SULT1C2: variants seen among roughly 807,000 people sequenced by gnomAD.
The protein encoded by SULT1C2 is sulfotransferase family 1C member 2, also known as sulfotransferase 1C2.
In SULT1C2, 27 loss-of-function variants were observed where a neutral mutation model predicts 36.0. The observed-to-expected ratio is 0.75, with a 90% CI of 0.55 to 1.03. The LOEUF (loss-of-function observed/expected upper bound fraction) is 1.03. Among genes scored for constraint, SULT1C2 ranks in the 50% least tolerant of loss-of-function variants. The pLI, the probability that SULT1C2 is intolerant of heterozygous loss-of-function variation, is 0.00. For missense variants in SULT1C2, 395 were observed against 359.2 expected (o/e 1.10, Z -0.80); for synonymous variants, 121 against 116.0 (o/e 1.04, Z -0.27).
chr2:108,296,649 T>A (rs928603757), intron 3 of SULT1C2, among the ~76,000 whole-genome samples: 2 of 152,138 alleles, frequency 1.3e-5, no homozygotes, highest in Non-Finnish European at 2.9e-5. Context: ...GTCAGGGTTT[T>A]ACCATGTTGG....
chr2:108,294,379 C>A, intron 3 of SULT1C2, 25 bp downstream of exon 3: 1 of 1,598,982 alleles, frequency 6.3e-7, no homozygotes, highest in South Asian at 1.1e-5. Flanking sequence ...CTCTTTCTCT[C>A]TTCCTGCTTT....
intron 3 of SULT1C2, among the ~76,000 whole-genome samples, chr2:108,295,063 T>C (rs1222197013): frequency 6.6e-6 from 1 of 152,176 alleles, no homozygotes; most frequent in African/African-American, 2.4e-5. Flanking sequence ...AAAATGTAGT[T>C]AATGCAGCTC....
chr2:108,308,303 C>T (rs1437416949), intron 7 of SULT1C2, 49 bp from the exon 8 acceptor site: 2 of 1,540,602 alleles, frequency 1.3e-6, no homozygotes, highest in East Asian at 2.2e-5. Flanking sequence ...TCAGGGACAC[C>T]ACATCTTTCA....
At chr2:108,304,831 G>C in intron 5 of SULT1C2, 131 bp downstream of exon 5, 1 of 1,273,266 alleles carries the variant, frequency 7.9e-7, no homozygotes, top group Non-Finnish European at 1.1e-6. Flanking sequence ...CTGGGACTGG[G>C]CAGAGCAAGC....
intron 1 of SULT1C2, among the ~76,000 whole-genome samples, chr2:108,293,006 C>T (rs562644583): frequency 5.3e-5 from 8 of 152,136 alleles, no homozygotes; most frequent in East Asian, 1.9e-4. Context: ...TGGCGAAACT[C>T]GGTCCCTACT....
chr2:108,302,784 A>C (rs1262934734), intron 4 of SULT1C2: 1 of 152,236 alleles, frequency 6.6e-6, no homozygotes, highest in Non-Finnish European at 1.5e-5. Flanking sequence ...ATATTAAGTA[A>C]ATAAATGGAA....
At chr2:108,303,662 T>G (rs1423705377) in intron 4 of SULT1C2, 1 of 152,232 alleles carries the variant, frequency 6.6e-6, no homozygotes, top group Non-Finnish European at 1.5e-5. Flanking sequence ...ATAAAAGACA[T>G]AATTAATACA....
intron 1 of SULT1C2, among the ~76,000 whole-genome samples, chr2:108,292,234 T>G (rs75325571): frequency 0.012 from 1,872 of 152,336 alleles, 15 homozygotes; most frequent in Middle Eastern, 0.041. Flanking sequence ...ATTGACGTGT[T>G]CGATAAATGT....
At chr2:108,299,591 G>A (rs1005562668) in intron 3 of SULT1C2, 1 of 152,210 alleles carries the variant, frequency 6.6e-6, no homozygotes, top group African/African-American at 2.4e-5. Context: ...AGGCAGGAGA[G>A]CTTTGCAGTT....
intron 4 of SULT1C2, chr2:108,302,860 C>T (rs961924513): frequency 2.0e-5 from 3 of 152,028 alleles, no homozygotes; most frequent in African/African-American, 7.2e-5. Flanking sequence ...AAGTGCAGAA[C>T]AGCTGCATAG....
chr2:108,296,331 C>A (rs1408384624), intron 3 of SULT1C2, among the ~76,000 whole-genome samples: 1 of 152,196 alleles, frequency 6.6e-6, no homozygotes, highest in African/African-American at 2.4e-5. Context: ...TACAGAGGCA[C>A]CCTGGCCTCT....
At chr2:108,300,784 G>A in intron 3 of SULT1C2, 54 bp from the exon 4 acceptor site, 2 of 1,609,804 alleles carry the variant, frequency 1.2e-6, no homozygotes, top group African/African-American at 1.3e-5. Flanking sequence ...GGATCATGAG[G>A]TCCCCATGTA....
chr2:108,305,026 A>C (rs1487154903), intron 5 of SULT1C2, 146 bp from the exon 6 acceptor site: 3 of 939,218 alleles, frequency 3.2e-6, no homozygotes, highest in Non-Finnish European at 4.8e-6. Flanking sequence ...CACCACCCTC[A>C]AAATCAAACA....
At chr2:108,295,661 A>G (rs1323085970) in intron 3 of SULT1C2, among the ~76,000 whole-genome samples, 1 of 152,240 alleles carries the variant, frequency 6.6e-6, no homozygotes, top group Admixed American at 6.5e-5. Context: ...TGTGAGCATT[A>G]ACAAATTCAG....
chr2:108,304,387 A>C, intron 4 of SULT1C2, 187 bp from the exon 5 acceptor site: 2 of 526,470 alleles, frequency 3.8e-6, no homozygotes, highest in Non-Finnish European at 6.5e-6. Flanking sequence ...AGTTTGAAGT[A>C]GAGAGCAGAC....
chr2:108,296,609 G>A (rs973608156), intron 3 of SULT1C2, among the ~76,000 whole-genome samples: 2 of 152,142 alleles, frequency 1.3e-5, no homozygotes, highest in Middle Eastern at 3.2e-3. Flanking sequence ...CTGCCAGCAC[G>A]CCCAGCAAAT....
chr2:108,305,785 G>A (rs1166497633), intron 7 of SULT1C2, 190 bp downstream of exon 7: 1 of 718,944 alleles, frequency 1.4e-6, no homozygotes, highest in Non-Finnish European at 2.2e-6. Flanking sequence ...TCCAGTATTT[G>A]GTTGCAAGGA....
At chr2:108,293,873 C>G (rs996856546) in intron 2 of SULT1C2, 55 bp downstream of exon 2, 5 of 1,576,566 alleles carry the variant, frequency 3.2e-6, no homozygotes, top group Non-Finnish European at 4.3e-6. Flanking sequence ...ACAGGCTCAT[C>G]ACTTAAGTTA....
intron 1 of SULT1C2, among the ~76,000 whole-genome samples, 161 bp from the exon 2 acceptor site, chr2:108,293,486 G>GA (rs979690088): frequency 8.5e-5 from 13 of 152,186 alleles, no homozygotes; most frequent in African/African-American, 3.1e-4. Context: ...CTGGGATGAT[G>GA]AAAAAAATTC....
Sources: allele counts gnomAD v4.1 joint callset (sites outside exome capture counted in the v4.1 genomes callset), GRCh38; gene constraint gnomAD v4.1.1; transcripts MANE v1.5; gene names NCBI Gene and HGNC (gene_info 2026-07-23, HGNC 2026-07-21).